CATSPERT: variants seen among roughly 807,000 people sequenced by gnomAD.
CATSPERT encodes the protein cation channel sperm-associated targeting subunit tau.
chr2:201,582,164 T>C, the CATSPERT span: 1 of 1,610,058 alleles, frequency 6.2e-7, no homozygotes, highest in Non-Finnish European at 8.5e-7. Context: ...TATTGTCATA[T>C]TGTATGAGTT....
chr2:201,494,900 T>C, the CATSPERT span: 319 of 743,320 alleles, frequency 4.3e-4, 1 homozygote, highest in Non-Finnish European at 5.2e-4. Context: ...AAATCAACTT[T>C]AATTATTTTA....
chr2:201,579,301 G>A, the CATSPERT span, among the ~76,000 whole-genome samples: 1 of 151,788 alleles, frequency 6.6e-6, no homozygotes, highest in Non-Finnish European at 1.5e-5. Flanking sequence ...GTGCAGTGGT[G>A]CAATCATGGC....
At chr2:201,514,400 T>C in the CATSPERT span, among the ~76,000 whole-genome samples, 2 of 152,176 alleles carry the variant, frequency 1.3e-5, no homozygotes, top group South Asian at 4.1e-4. Context: ...TATCTGTGCA[T>C]TAATATTTTA....
At chr2:201,491,171 G>A in the CATSPERT span, 1 of 1,526,776 alleles carries the variant, frequency 6.5e-7, no homozygotes, top group South Asian at 1.2e-5. Flanking sequence ...ATTATTACAT[G>A]TATAGTTCTT....
the CATSPERT span, chr2:201,547,670 T>C: frequency 1.2e-6 from 1 of 840,180 alleles, no homozygotes; most frequent in East Asian, 2.8e-5. Context: ...ACATATGGTA[T>C]GATTCACAGA....
the CATSPERT span, among the ~76,000 whole-genome samples, chr2:201,488,130 A>G: frequency 6.6e-6 from 1 of 152,360 alleles, no homozygotes; most frequent in African/African-American, 2.4e-5. Context: ...ATACTGTGCT[A>G]GATACTATGC....
At chr2:201,607,074 G>T in the CATSPERT span, among the ~76,000 whole-genome samples, 1 of 151,974 alleles carries the variant, frequency 6.6e-6, no homozygotes, top group Non-Finnish European at 1.5e-5. Context: ...TTAATAAAAT[G>T]ATGAGAATAA....
chr2:201,590,179 C>T, the CATSPERT span, among the ~76,000 whole-genome samples: 1 of 148,220 alleles, frequency 6.7e-6, no homozygotes, highest in East Asian at 2.0e-4. Context: ...TGTTCCCCTT[C>T]CTGTGTCCAT....
At chr2:201,604,051 T>G in the CATSPERT span, among the ~76,000 whole-genome samples, 2 of 152,296 alleles carry the variant, frequency 1.3e-5, no homozygotes, top group East Asian at 3.9e-4. Context: ...ATGTAGATTC[T>G]CATGTCTTGT....
At chr2:201,536,823 T>C in the CATSPERT span, among the ~76,000 whole-genome samples, 1 of 151,960 alleles carries the variant, frequency 6.6e-6, no homozygotes, top group Non-Finnish European at 1.5e-5. Context: ...TATCTTCTTT[T>C]ACTCTCCTTG....
the CATSPERT span, chr2:201,487,710 G>C: frequency 6.2e-7 from 1 of 1,613,964 alleles, no homozygotes; most frequent in Non-Finnish European, 8.5e-7. Flanking sequence ...ACCATTCGAC[G>C]ACTTGTAAAC....
chr2:201,605,397 C>T, the CATSPERT span, among the ~76,000 whole-genome samples: 8 of 152,054 alleles, frequency 5.3e-5, no homozygotes, highest in East Asian at 1.9e-4. Flanking sequence ...GTGAAGGCAT[C>T]AGAGAAGAAG....
chr2:201,615,403 C>G, the CATSPERT span, among the ~76,000 whole-genome samples: 1 of 152,326 alleles, frequency 6.6e-6, no homozygotes, highest in East Asian at 1.9e-4. Context: ...TTAAGAAACT[C>G]TCTCAAAACT....
chr2:201,604,103 A>C, the CATSPERT span, among the ~76,000 whole-genome samples: 5 of 151,724 alleles, frequency 3.3e-5, no homozygotes, highest in African/African-American at 1.2e-4. Context: ...TCTGGTTCTC[A>C]GCCTAGATAC....
the CATSPERT span, among the ~76,000 whole-genome samples, chr2:201,579,853 C>CTTTTT: frequency 7.4e-6 from 1 of 134,292 alleles, no homozygotes. Context: ...CTTTCTTTTT[C>CTTTTT]TTTTTTTTTT....
chr2:201,515,977 G>A, the CATSPERT span, among the ~76,000 whole-genome samples: 2 of 152,228 alleles, frequency 1.3e-5, no homozygotes, highest in Non-Finnish European at 2.9e-5. Flanking sequence ...TTAACAATGT[G>A]AATACACTGA....
chr2:201,592,209 A>G, the CATSPERT span, among the ~76,000 whole-genome samples: 2 of 151,606 alleles, frequency 1.3e-5, no homozygotes, highest in East Asian at 2.0e-4. Flanking sequence ...GAATTTTGTC[A>G]AAGGCCTTTT....
At chr2:201,516,930 C>CT in the CATSPERT span, among the ~76,000 whole-genome samples, 297 of 135,484 alleles carry the variant, frequency 2.2e-3, 4 homozygotes, top group African/African-American at 6.6e-3. Flanking sequence ...AATAGGAAGG[C>CT]TTTTTTTTTT....
the CATSPERT span, among the ~76,000 whole-genome samples, chr2:201,582,708 C>T: frequency 1.6e-4 from 25 of 152,144 alleles, no homozygotes; most frequent in African/African-American, 6.0e-4. Flanking sequence ...TATACCATTG[C>T]CTGAACTTGA....
Sources: allele counts gnomAD v4.1 joint callset (sites outside exome capture counted in the v4.1 genomes callset), GRCh38; gene constraint gnomAD v4.1.1; transcripts MANE v1.5; gene names NCBI Gene and HGNC (gene_info 2026-07-23, HGNC 2026-07-21).